PLXNA4: variants seen among roughly 807,000 people sequenced by gnomAD.
PLXNA4 encodes plexin-A4.
In PLXNA4, 44 loss-of-function variants were observed where a neutral mutation model predicts 191.8. The ratio of observed to expected loss-of-function variants is 0.23; its 90% CI spans 0.18 to 0.29. PLXNA4 has a LOEUF of 0.29. PLXNA4 is among the 10% of genes least tolerant of loss of function. The pLI is 1.00. For missense variants in PLXNA4, 1,800 were observed against 2,488.8 expected, an observed-to-expected ratio of 0.72 and a Z score of 5.89; for synonymous variants, 1,082 against 1,009.5, an observed-to-expected ratio of 1.07 and a Z score of -1.36.
upstream of PLXNA4, chr7:132,576,938 T>A (rs1323452008): frequency 6.7e-6 from 1 of 148,486 alleles, no homozygotes; most frequent in Admixed American, 6.7e-5. The surrounding 1 kb of genome is among the most constrained non-coding windows in gnomAD (Gnocchi z 5.8). Flanking sequence ...GGGAGCGCTC[T>A]CGGCGCCTCT....
At position 132,507,891 on chromosome 7, in the gene PLXNA4, C is replaced by T. The variant is rs775123147; in HGVS notation, c.803G>A (p.Gly268Asp). The T allele has an allele frequency of 1.2e-6, 2 of 1,614,114 alleles. No homozygotes were observed. Among genetic ancestry groups the T allele is most frequent in the South Asian group, 2.2e-5 (2 of 91,076 alleles). ...TLQPEMVSPP[G>D]STTKEQVYTS... The stretch of plus-strand genomic sequence containing the variant: ...ATACACCTGCTCCTTGGTGGTGGAG[C>T]CTGGTGGAGACACCATCTCAGGTTG... The change falls in exon 2 of 32, where the codon GGC becomes GAC. Residue 268 changes from glycine (G) to aspartate (D), a missense_variant. Coordinates refer to ENST00000321063, the MANE Select transcript of PLXNA4 (RefSeq NM_020911.2).
At chr7:132,512,100 C>T (rs188919509) in intron 1 of PLXNA4, among the ~76,000 whole-genome samples, 61 of 152,350 alleles carry the variant, frequency 4.0e-4, no homozygotes, top group African/African-American at 1.3e-3. Context: ...TAACAGGGCC[C>T]TCAAAACGTC....
Position 132,279,300 on chromosome 7 carries a change from G to A in PLXNA4, c.1503+18791C>T, listed in dbSNP as rs549429203. The stretch of plus-strand genomic sequence containing the variant: ...ACACAAATACATTCATTTTCCATGT[G>A]TGCCTTAACATAGTGACAGGTTGGA... On this transcript the variant is annotated intron_variant, in intron 4 of 31. Coordinates refer to ENST00000321063, the MANE Select transcript of PLXNA4 (RefSeq NM_020911.2). Among the ~76,000 whole-genome samples, 313 of 152,202 alleles carry A rather than the reference G, an allele frequency of 2.1e-3. 4 individuals are homozygous for A. Among genetic ancestry groups the A allele is most frequent in the African/African-American group, 7.2e-3 (299 of 41,512 alleles).
chr7:132,540,569 CTTTTT>C (rs71915138), intron 1 of PLXNA4, among the ~76,000 whole-genome samples: 35 of 61,006 alleles, frequency 5.7e-4, no homozygotes, highest in African/African-American at 2.4e-3. Flanking sequence ...GTGGACCGTT[CTTTTT>C]TTTTTTTTTT....
intron 1 of PLXNA4, among the ~76,000 whole-genome samples, chr7:132,509,082 T>C (rs1798606007): frequency 6.6e-6 from 1 of 151,468 alleles, no homozygotes; most frequent in African/African-American, 2.4e-5. Flanking sequence ...CCTGAATTTG[T>C]GTCAGACACT....
Position 132,223,545 on chromosome 7 carries a change from G to A in PLXNA4, c.2079C>T (p.Gly693=), listed in dbSNP as rs1172618449. The A allele has an allele frequency of 6.2e-7, 1 of 1,613,226 alleles. No individual in the cohort carries two copies. Among genetic ancestry groups the A allele is most frequent in the South Asian group, 1.1e-5 (1 of 90,830 alleles). The stretch of plus-strand genomic sequence containing the variant: ...GACCTACCTCGGGCAGCTTCACTCG[G>A]CCTTCCTGGAAGGAGCAGGTCTTGG... ...HDPKTCSFQE[G]RVKLPEDCPQ... Residue 693 remains glycine (G), a synonymous_variant, in exon 9 of 32, where the codon GGC becomes GGT. Transcript: ENST00000321063.
chr7:132,340,281 A>G (rs1326570551), intron 3 of PLXNA4, among the ~76,000 whole-genome samples: 3 of 152,334 alleles, frequency 2.0e-5, no homozygotes, highest in African/African-American at 4.8e-5. Flanking sequence ...TTAAAGTTTA[A>G]GACTGGATAA....
At chr7:132,214,094 G>T (rs1325850076) in intron 9 of PLXNA4, among the ~76,000 whole-genome samples, 6 of 152,208 alleles carry the variant, frequency 3.9e-5, no homozygotes, top group Non-Finnish European at 8.8e-5. Context: ...TGCCCTTCAT[G>T]AAACAGGAGA....
At chr7:132,464,049 G>A (rs1563114011) in intron 3 of PLXNA4, among the ~76,000 whole-genome samples, 1 of 152,226 alleles carries the variant, frequency 6.6e-6, no homozygotes. Context: ...GGGGAGTGGA[G>A]AGCTTACCTC....
chr7:132,219,526 G>A (rs1045434775), intron 9 of PLXNA4, among the ~76,000 whole-genome samples: 1 of 152,098 alleles, frequency 6.6e-6, no homozygotes, highest in African/African-American at 2.4e-5. Flanking sequence ...AATGCTTAGG[G>A]TAATGAAGAA....
intron 1 of PLXNA4, among the ~76,000 whole-genome samples, chr7:132,569,679 T>C (rs1801886915): frequency 6.6e-6 from 1 of 152,272 alleles, no homozygotes; most frequent in Non-Finnish European, 1.5e-5. Context: ...CCTAGCTTTT[T>C]CCACAACAGT....
At chr7:132,618,580 C>G (rs959007339) in intron 2 of PLXNA4, among the ~76,000 whole-genome samples, 1 of 152,238 alleles carries the variant, frequency 6.6e-6, no homozygotes, top group African/African-American at 2.4e-5. Context: ...TGGTCTGCCT[C>G]TCCGGTTTTT....
chr7:132,494,373 C>T (rs1797920583), intron 2 of PLXNA4, among the ~76,000 whole-genome samples: 1 of 152,214 alleles, frequency 6.6e-6, no homozygotes, highest in Admixed American at 6.5e-5. Context: ...GGGGCTCAGA[C>T]ATCTTCATCT....
chr7:132,212,936 A>T (rs1797849729), intron 9 of PLXNA4, among the ~76,000 whole-genome samples: 1 of 152,162 alleles, frequency 6.6e-6, no homozygotes, highest in South Asian at 2.1e-4. Context: ...GAAAACAAGG[A>T]CTCAGAAATC....
At position 132,427,756 on chromosome 7, in the gene PLXNA4, G is replaced by A. The variant is rs571165555; in HGVS notation, c.1371+61536C>T. Among the ~76,000 whole-genome samples the A allele has an allele frequency of 3.5e-4, 53 of 152,300 alleles. 1 individual carries two copies. In the South Asian group the frequency reaches 3.5e-3, roughly 10 times the overall value. On this transcript the variant is annotated intron_variant, in intron 3 of 31. Coordinates refer to ENST00000321063, the MANE Select transcript of PLXNA4 (RefSeq NM_020911.2). ...TCTGACTTACCCTATTCTCCTGCCCGATGCCTTCTCTAGAACCCATCATGC... is the reference window on the plus strand; with the variant it reads ...TCTGACTTACCCTATTCTCCTGCCCAATGCCTTCTCTAGAACCCATCATGC...
At chr7:132,219,872 TAC>T (rs1051808893) in intron 9 of PLXNA4, among the ~76,000 whole-genome samples, 3 of 152,218 alleles carry the variant, frequency 2.0e-5, no homozygotes, top group African/African-American at 7.2e-5. Context: ...CAGTATTCAG[TAC>T]AGTTACCTGC....
At position 132,123,451 on chromosome 7, in the gene PLXNA4, A is replaced by C. The variant is rs1472759507; in HGVS notation, c.*7028T>G. The C allele has an allele frequency of 6.6e-6, 1 of 152,232 alleles. No individual in the cohort carries two copies. The highest frequency in any genetic ancestry group is 1.5e-5 in the Non-Finnish European group (1 of 68,042). The allele number at this position is 152,232 out of a possible 1,614,324, so 9.4% of individuals were successfully genotyped here. Reference sequence around the variant, plus strand: ...ATTTACATACACAGGTATACAATTAATTATAACAAAGGTACAGAAGCTTGC... The same window carrying C: ...ATTTACATACACAGGTATACAATTACTTATAACAAAGGTACAGAAGCTTGC... On this transcript the variant is annotated 3_prime_UTR_variant, in exon 32 of 32. Coordinates refer to ENST00000321063, the MANE Select transcript of PLXNA4 (RefSeq NM_020911.2).
At chr7:132,340,390 C>A (rs952221461) in intron 3 of PLXNA4, among the ~76,000 whole-genome samples, 4 of 152,194 alleles carry the variant, frequency 2.6e-5, no homozygotes, top group African/African-American at 9.7e-5. Flanking sequence ...CCTGGTCCAC[C>A]AAGGAGGGGC....
At chr7:132,581,403 C>A (rs562209241), upstream of PLXNA4, among the ~76,000 whole-genome samples, 186 of 152,340 alleles carry the variant, frequency 1.2e-3, no homozygotes, top group African/African-American at 4.0e-3. Context: ...TTTCAACTCC[C>A]AGCCTTTTCT....
Sources: allele counts gnomAD v4.1 joint callset (sites outside exome capture counted in the v4.1 genomes callset), GRCh38; gene constraint gnomAD v4.1.1; non-coding constraint Gnocchi (gnomAD v3.1); transcripts MANE v1.5; gene names NCBI Gene and HGNC (gene_info 2026-07-23, HGNC 2026-07-21).